The following ADGRA2 variants were observed in gnomAD, a reference collection of about 807,000 sequenced individuals.
ADGRA2 encodes the protein G-protein coupled receptor 124.
A neutral mutation model predicts 98.7 loss-of-function variants in ADGRA2; 61 were observed. That is an observed-to-expected ratio of 0.62 (90% CI 0.50 to 0.76). ADGRA2 has a LOEUF of 0.76. Ranked by LOEUF, ADGRA2 falls within the 30% of genes least tolerant of loss-of-function variation. The pLI is 0.00. For synonymous variants in ADGRA2, 858 were observed against 831.5 expected, an observed-to-expected ratio of 1.03 and a Z score of -0.55; for missense variants, 1,712 against 1,860.0, an observed-to-expected ratio of 0.92 and a Z score of 1.46.
At position 37,841,123 on chromosome 8, in the gene ADGRA2, T is replaced by A. The variant is rs1306025645; in HGVS notation, c.2785T>A (p.Tyr929Asn). Reference protein sequence around the residue: ...LVWRPSLGAFYIPVALILLIT... With the variant: ...LVWRPSLGAFNIPVALILLIT... Reference sequence around the variant, plus strand: ...GTGGCGTCCAAGCCTTGGCGCCTTCTACATCCCTGTGGCTTTGATTCTGCT... The same window carrying A: ...GTGGCGTCCAAGCCTTGGCGCCTTCAACATCCCTGTGGCTTTGATTCTGCT... Residue 929 changes from tyrosine (Y) to asparagine (N), a missense_variant, in exon 19 of 19, where the codon TAC becomes AAC. Coordinates refer to ENST00000412232, the MANE Select transcript of ADGRA2 (RefSeq NM_032777.10). This position sits in a 1 kb window ranked among gnomAD's most constrained non-coding sequence, Gnocchi z 5.0. The A allele has an allele frequency of 6.2e-7, 1 of 1,609,406 alleles. No individual in the cohort carries two copies. The highest frequency in any genetic ancestry group is 8.5e-7 in the Non-Finnish European group (1 of 1,178,606).
At chr8:37,822,037 G>T (rs780461273) in intron 2 of ADGRA2, among the ~76,000 whole-genome samples, 1 of 152,164 alleles carries the variant, frequency 6.6e-6, no homozygotes, top group Non-Finnish European at 1.5e-5. Context: ...AGGGAAGGCT[G>T]ATGTGTTCAG....
At chr8:37,799,167 G>A (rs1486645844) in intron 1 of ADGRA2, among the ~76,000 whole-genome samples, 1 of 152,172 alleles carries the variant, frequency 6.6e-6, no homozygotes, top group African/African-American at 2.4e-5. Flanking sequence ...ACGAGGTCAG[G>A]AGTTCGAGAC....
At chr8:37,808,535 A>AT (rs1203901811) in intron 1 of ADGRA2, among the ~76,000 whole-genome samples, 2 of 150,924 alleles carry the variant, frequency 1.3e-5, no homozygotes, top group African/African-American at 2.4e-5. Flanking sequence ...TGGTGGGAAC[A>AT]TTTTTCTGCC....
intron 10 of ADGRA2, 39 bp downstream of exon 10, chr8:37,833,876 C>T (rs1805531519): frequency 6.2e-7 from 1 of 1,610,496 alleles, no homozygotes; most frequent in South Asian, 1.1e-5. Context: ...GGAAAACGCC[C>T]CCATCCCTCA....
chr8:37,810,151 T>TGTAATCAATATAAAATTATTAA, intron 1 of ADGRA2, among the ~76,000 whole-genome samples: 4 of 152,056 alleles, frequency 2.6e-5, no homozygotes, highest in Admixed American at 2.0e-4. Flanking sequence ...TTTGGATACA[T>TGTAATCAATATAAAATTATTAA]TGAGTTAGAT....
chr8:37,798,826 C>T (rs542606098), intron 1 of ADGRA2, among the ~76,000 whole-genome samples: 94 of 152,316 alleles, frequency 6.2e-4, no homozygotes, highest in African/African-American at 2.2e-3. Context: ...TTCCCCGGCC[C>T]GGGTGTGTGT....
chr8:37,824,318 C>G (rs1346032026), intron 2 of ADGRA2, among the ~76,000 whole-genome samples: 1 of 151,700 alleles, frequency 6.6e-6, no homozygotes, highest in African/African-American at 2.4e-5. Flanking sequence ...CATGAGCCAT[C>G]ATGCCCAGCC....
Position 37,815,579 on chromosome 8 carries a change from G to A in ADGRA2, c.338+612G>A, listed in dbSNP as rs1227325758. On this transcript the variant is annotated intron_variant, in intron 2 of 18. Transcript: ENST00000412232. ...CCCAGAGCTGGGGCCCCTGCATCTG[G>A]TGGGGCCAGTGTGGGGAAGAGGGTT... Among the ~76,000 whole-genome samples, 6 of 152,246 alleles carry A rather than the reference G, an allele frequency of 3.9e-5. No homozygotes were observed. In the East Asian group the frequency reaches 1.2e-3, roughly 29 times the overall value.
At chr8:37,828,808 G>A (rs1585395489) in intron 2 of ADGRA2, 80 bp from the exon 3 acceptor site, 2 of 1,095,116 alleles carry the variant, frequency 1.8e-6, no homozygotes, top group East Asian at 2.4e-5. Context: ...CAACACCGTG[G>A]TGACAGTGAG....
intron 1 of ADGRA2, among the ~76,000 whole-genome samples, chr8:37,799,396 C>G (rs1804434601): frequency 6.6e-6 from 1 of 150,800 alleles, no homozygotes; most frequent in Non-Finnish European, 1.5e-5. Context: ...AAAAAGAATT[C>G]AGAGCTGAGA....
In ADGRA2 at chr8:37,797,395, A is replaced by C. The variant is rs1585956755; in HGVS notation, c.127A>C (p.Ser43Arg). The change falls in exon 1 of 19, where the codon AGC becomes CGC. Residue 43 changes from serine to arginine, a missense_variant. Ser to Arg is a moderately radical substitution (Grantham distance 110, BLOSUM62 -1). Transcript: ENST00000412232. The surrounding 1 kb of genome is among the most constrained non-coding windows in gnomAD (Gnocchi z 5.3). The stretch of plus-strand genomic sequence containing the variant: ...GCCCGGCTGCCCGCTATCCATCCGC[A>C]GCTGCAAGTGCTCGGGGGAGCGGCC... ...GAPGCPLSIR[S>R]CKCSGERPKG... is the part of the protein sequence containing the mutation. 4 of 1,432,374 alleles carry C rather than the reference A, an allele frequency of 2.8e-6. No individual in the cohort carries two copies. The highest frequency in any genetic ancestry group is 3.7e-6 in the Non-Finnish European group (4 of 1,091,584). The allele number at this position is 1,432,374 out of a possible 1,614,324, so 88.7% of individuals were successfully genotyped here.
At chr8:37,827,581 C>G (rs969204348) in intron 2 of ADGRA2, among the ~76,000 whole-genome samples, 2 of 152,238 alleles carry the variant, frequency 1.3e-5, no homozygotes, top group Non-Finnish European at 1.5e-5. Context: ...CCCTGGGATC[C>G]CTGGGGGGTC....
Position 37,830,677 on chromosome 8 carries a change from C to T in ADGRA2, c.719-33C>T, listed in dbSNP as rs1315229964. ...ACGTGCAGCCTCACATGCGTGTGCACTCGGGCCTCACGCCTGGTGTCTCCT... is the reference window on the plus strand; with the variant it reads ...ACGTGCAGCCTCACATGCGTGTGCATTCGGGCCTCACGCCTGGTGTCTCCT... On this transcript the variant is annotated intron_variant, in intron 6 of 18. Coordinates refer to ENST00000412232, the MANE Select transcript of ADGRA2 (RefSeq NM_032777.10). The surrounding 1 kb of genome is among the most constrained non-coding windows in gnomAD (Gnocchi z 4.8). The T allele has an allele frequency of 6.9e-7, 1 of 1,441,648 alleles. No homozygotes were observed. The highest frequency in any genetic ancestry group is 9.5e-7 in the Non-Finnish European group (1 of 1,052,950). 89.3% of individuals were successfully genotyped at this position (1,441,648 alleles called of 1,614,324 possible). A position where few individuals can be genotyped will look rare whatever the true frequency, so the allele number is the denominator to read the frequency against.
At chr8:37,807,160 T>C (rs1804695207) in intron 1 of ADGRA2, among the ~76,000 whole-genome samples, 1 of 152,198 alleles carries the variant, frequency 6.6e-6, no homozygotes. Flanking sequence ...TGTTCAGGGC[T>C]GACCTGACAA....
intron 16 of ADGRA2, 66 bp downstream of exon 16, chr8:37,839,688 GGGGTGATGCGCTGGAAGAAAAAGGCT>G: frequency 6.4e-7 from 1 of 1,571,306 alleles, no homozygotes; most frequent in Non-Finnish European, 8.7e-7. Flanking sequence ...GGCATAGAGT[GGGGTGATGCGCTGGAAGAAAAAGGCT>G]GGTGCTCATA....
chr8:37,805,938 G>T (rs1804646668), intron 1 of ADGRA2, among the ~76,000 whole-genome samples: 1 of 152,062 alleles, frequency 6.6e-6, no homozygotes, highest in Non-Finnish European at 1.5e-5. Context: ...ATACTAGCTA[G>T]TCCAGAGGCT....
chr8:37,812,023 AC>A (rs1804845432), intron 1 of ADGRA2, among the ~76,000 whole-genome samples: 1 of 150,562 alleles, frequency 6.6e-6, no homozygotes. Flanking sequence ...AATCACTTGA[AC>A]CCGAGAGGCG....
At chr8:37,799,372 AT>A (rs1804433460) in intron 1 of ADGRA2, among the ~76,000 whole-genome samples, 1 of 147,028 alleles carries the variant, frequency 6.8e-6, no homozygotes, top group African/African-American at 2.6e-5. Flanking sequence ...GAGACTCCGT[AT>A]AAAAAAAAAA....
At chr8:37,812,701 C>CTG (rs377129148) in intron 1 of ADGRA2, among the ~76,000 whole-genome samples, 52 of 150,762 alleles carry the variant, frequency 3.4e-4, no homozygotes, top group African/African-American at 1.2e-3. Flanking sequence ...AGGTCTCACT[C>CTG]TTGCCCAGGG....
Sources: gnomAD v4.1 joint callset for allele counts (sites outside exome capture counted in the v4.1 genomes callset) on GRCh38, gnomAD v4.1.1 for gene constraint, Gnocchi (gnomAD v3.1) non-coding constraint, MANE v1.5 for transcripts, NCBI Gene and HGNC (gene_info 2026-07-23, HGNC 2026-07-21) for gene names.